The following BIN1 variants were observed in gnomAD, a reference collection of about 807,000 sequenced individuals.
BIN1 encodes the protein myc box-dependent-interacting protein 1.
A neutral mutation model predicts 82.0 loss-of-function variants in BIN1; 53 were observed. The observed-to-expected ratio is 0.65, with a 90% CI of 0.52 to 0.81. BIN1 has a LOEUF of 0.81. Among genes scored for constraint, BIN1 ranks in the 40% least tolerant of loss-of-function variants. The probability of loss-of-function intolerance (pLI) is 0.00; values close to 1 mark genes in which losing one functional copy is unlikely to be tolerated. For missense variants in BIN1, 642 were observed against 784.4 expected (o/e 0.82, Z 2.17); for synonymous variants, 302 against 328.0 (o/e 0.92, Z 0.86).
Position 127,062,318 on chromosome 2 carries a change from C to A in BIN1, c.775-121G>T, listed in dbSNP as rs187515427. The A allele has an allele frequency of 1.3e-5, 13 of 1,011,918 alleles. 1 individual carries two copies. In the Admixed American group the frequency reaches 2.7e-4, roughly 21 times the overall value. The allele number at this position is 1,011,918 out of a possible 1,614,324, so 62.7% of individuals were successfully genotyped here. ...CCCTGCCAGGAACAAGCTCCTCTTT[C>A]CCCATCTGTGAGAGCAAGGAACTAG... On this transcript the variant is annotated intron_variant, in intron 9 of 18. Transcript: ENST00000316724.
In BIN1 at chr2:127,052,461, G is replaced by A. The variant is rs1030560682; in HGVS notation, c.1264-99C>T. ...CAAGACAAGAGAAAATGTCACCAGC[G>A]GCTGGGGTTGGTGGGGGCAGGGTGG... On this transcript the variant is annotated intron_variant, in intron 14 of 18. Transcript: ENST00000316724. 79 of 1,207,464 alleles carry A rather than the reference G, an allele frequency of 6.5e-5. 2 individuals carry two copies. The highest frequency in any genetic ancestry group is 9.8e-5 in the South Asian group (7 of 71,306). 74.8% of individuals were successfully genotyped at this position (1,207,464 alleles called of 1,614,324 possible).
intron 2 of BIN1, among the ~76,000 whole-genome samples, chr2:127,071,335 G>A (rs1219222959): frequency 2.0e-5 from 3 of 152,206 alleles, no homozygotes; most frequent in African/African-American, 4.8e-5. Flanking sequence ...GTGCGAGCCT[G>A]TATAGGGACA....
chr2:127,093,106 G>C lies in BIN1; in HGVS notation c.84+13754C>G, dbSNP rs918735297. Among the ~76,000 whole-genome samples the C allele has an allele frequency of 1.3e-5, 2 of 151,708 alleles. No homozygotes were observed. The highest frequency in any genetic ancestry group is 2.9e-5 in the Non-Finnish European group (2 of 68,020). ...CGCTAGGGCTGTCCACAGAGAGAGG[G>C]GTCAGGGAGGGAGGGCGGAAGGGGA... On this transcript the variant is annotated intron_variant, in intron 1 of 18. Coordinates refer to ENST00000316724, the MANE Select transcript of BIN1 (RefSeq NM_139343.3). The surrounding 1 kb of genome is among the most constrained non-coding windows in gnomAD (Gnocchi z 5.7).
intron 16 of BIN1, 46 bp downstream of exon 16, chr2:127,051,108 C>A: frequency 1.2e-6 from 2 of 1,606,312 alleles, no homozygotes; most frequent in African/African-American, 1.3e-5. Flanking sequence ...GACAGGCAGG[C>A]GGGCGGCAGG....
intron 2 of BIN1, among the ~76,000 whole-genome samples, chr2:127,075,997 CT>C (rs1428225067): frequency 6.6e-6 from 1 of 150,854 alleles, no homozygotes; most frequent in African/African-American, 2.4e-5. Context: ...CTCCCCAGCC[CT>C]CTCCCAAATG....
Position 127,106,936 on chromosome 2 carries a change from T to C in BIN1, c.8A>G (p.Glu3Gly). ...CGCCGTCACCCCTTTACTGCCCATC[T>C]CTGCCATCGCGGCGCAGGCCTCGCC... MAEMGSKGVTAGK... is the reference protein window; with the variant it reads MAGMGSKGVTAGK... The change falls in exon 1 of 19, where the codon GAG (glutamate) becomes GGG (glycine). Residue 3 changes from glutamate to glycine, a missense_variant. Coordinates refer to ENST00000316724, the MANE Select transcript of BIN1 (RefSeq NM_139343.3). The C allele has an allele frequency of 6.2e-7, 1 of 1,611,668 alleles. No individual in the cohort carries two copies. The highest frequency in any genetic ancestry group is 1.1e-5 in the South Asian group (1 of 90,846).
intron 1 of BIN1, among the ~76,000 whole-genome samples, chr2:127,084,397 C>G (rs1173761115): frequency 3.3e-5 from 5 of 152,202 alleles, no homozygotes; most frequent in Admixed American, 3.3e-4. Flanking sequence ...TCAAACATCC[C>G]AAGTGCGACC....
chr2:127,055,402 CAGGGGCCCT>C (rs1466034423), intron 12 of BIN1: 4 of 152,336 alleles, frequency 2.6e-5, no homozygotes, highest in African/African-American at 9.6e-5. Context: ...TTCCTAGAAC[CAGGGGCCCT>C]AGGCCCCAAG....
chr2:127,100,874 C>G (rs1347678636), intron 1 of BIN1, among the ~76,000 whole-genome samples: 2 of 152,106 alleles, frequency 1.3e-5, no homozygotes, highest in Admixed American at 6.5e-5. Flanking sequence ...GAGTGGGCAG[C>G]CTCTCCAGCA....
At chr2:127,072,753 C>G (rs191772498) in intron 2 of BIN1, among the ~76,000 whole-genome samples, 1 of 152,152 alleles carries the variant, frequency 6.6e-6, no homozygotes, top group African/African-American at 2.4e-5. Context: ...AAACAGAAGA[C>G]TGCTCCACGG....
chr2:127,048,629 T>C lies in BIN1; in HGVS notation c.1679A>G (p.Glu560Gly), dbSNP rs1682475269. ...CTCCTTCACGCCCATGAGCCAGCCT[T>C]CATCCTGAGGGGCAGAGCACCAGGT... ...IPFQNPEEQDEGWLMGVKESD... is the reference protein window; with the variant it reads ...IPFQNPEEQDGGWLMGVKESD... The change falls in exon 19 of 19, where the codon GAA becomes GGA. Residue 560 changes from glutamate to glycine, a missense_variant. Glu to Gly is a moderately conservative substitution (Grantham distance 98). Transcript: ENST00000316724. 1 of 1,612,572 alleles carries C rather than the reference T, an allele frequency of 6.2e-7. No homozygotes were observed. Among genetic ancestry groups the C allele is most frequent in the Non-Finnish European group, 8.5e-7 (1 of 1,179,900 alleles).
intron 14 of BIN1, 190 bp from the exon 15 acceptor site, chr2:127,052,552 A>T: frequency 1.7e-6 from 1 of 604,524 alleles, no homozygotes; most frequent in Non-Finnish European, 2.9e-6. Flanking sequence ...TCAAAGGGAC[A>T]GGCAGGTGTG....
intron 5 of BIN1, 92 bp from the exon 6 acceptor site, chr2:127,069,123 C>A: frequency 8.5e-7 from 1 of 1,172,804 alleles, no homozygotes; most frequent in Non-Finnish European, 1.2e-6. Context: ...GCAGGGCGGG[C>A]AGGAGACCCC....
chr2:127,048,675 G>T (rs1294007082), intron 18 of BIN1, 42 bp from the exon 19 acceptor site: 1 of 1,586,852 alleles, frequency 6.3e-7, no homozygotes, highest in South Asian at 1.1e-5. Context: ...TGAGCAAGGG[G>T]CTCCACCCCA....
chr2:127,076,829 C>T, intron 1 of BIN1, 123 bp from the exon 2 acceptor site: 4 of 1,078,912 alleles, frequency 3.7e-6, no homozygotes, highest in Non-Finnish European at 5.6e-6. Context: ...CATCACCCAG[C>T]CCAGGGTGCC....
chr2:127,061,125 G>A (rs1684406554), intron 10 of BIN1, among the ~76,000 whole-genome samples: 1 of 151,954 alleles, frequency 6.6e-6, no homozygotes, highest in South Asian at 2.1e-4. Context: ...GTTCCCACCT[G>A]TGCCTACAGG....
chr2:127,106,808 G>T, intron 1 of BIN1, 52 bp downstream of exon 1: 1 of 1,552,624 alleles, frequency 6.4e-7, no homozygotes, highest in Non-Finnish European at 8.7e-7. Context: ...CAGGTGGCCG[G>T]GGCTCCGCGG....
chr2:127,095,254 C>T (rs1679441603), intron 1 of BIN1, among the ~76,000 whole-genome samples: 1 of 152,216 alleles, frequency 6.6e-6, no homozygotes, highest in African/African-American at 2.4e-5. Flanking sequence ...AGGATCCCTG[C>T]AACTCTTTCT....
Position 127,077,117 on chromosome 2 carries a change from C to T in BIN1, c.85-411G>A, listed in dbSNP as rs1029316600. Among the ~76,000 whole-genome samples, 7 of 152,300 alleles carry T rather than the reference C, an allele frequency of 4.6e-5. No individual in the cohort carries two copies. The East Asian group carries it at 9.7e-4, about 21-fold the overall frequency. ...CCAAGCAGGAGCAGCCTCACTTCTC[C>T]GCATGACTCTATTCCCTGGGCCCAG... On this transcript the variant is annotated intron_variant, in intron 1 of 18. Coordinates refer to ENST00000316724, the MANE Select transcript of BIN1 (RefSeq NM_139343.3).
Sources: allele counts gnomAD v4.1 joint callset (sites outside exome capture counted in the v4.1 genomes callset), GRCh38; gene constraint gnomAD v4.1.1; non-coding constraint Gnocchi (gnomAD v3.1); transcripts MANE v1.5; gene names NCBI Gene and HGNC (gene_info 2026-07-23, HGNC 2026-07-21).